Variants in ZNF471 observed in about 807,000 individuals in gnomAD.
The protein encoded by ZNF471 is zinc finger protein 471.
ZNF471 carries 7 observed loss-of-function variants against 13.7 expected under a neutral mutation model. That is an observed-to-expected ratio of 0.51 (90% CI 0.29 to 0.96). ZNF471 has a LOEUF of 0.96. ZNF471 is among the 40% of genes least tolerant of loss of function. ZNF471 has a pLI of 0.08. For missense variants in ZNF471, 663 were observed against 743.3 expected (o/e 0.89, Z 1.26); for synonymous variants, 218 against 235.6 (o/e 0.93, Z 0.68).
chr19:56,510,850 T>A lies in ZNF471; in HGVS notation c.-55-667T>A, dbSNP rs772708385. On this transcript the variant is annotated intron_variant, in intron 1 of 4. Transcript: ENST00000308031. This position sits in a 1 kb window ranked among gnomAD's most constrained non-coding sequence, Gnocchi z 4.3. Reference sequence around the variant, plus strand: ...CAGTAAGAAGCAAAGCTGGGGTGACTGAAGCTCCTAACTGAAGCAGGAGAC... The same window carrying A: ...CAGTAAGAAGCAAAGCTGGGGTGACAGAAGCTCCTAACTGAAGCAGGAGAC... 10 of 985,394 alleles carry A rather than the reference T, an allele frequency of 1.0e-5. No homozygotes were observed. Among genetic ancestry groups the A allele is most frequent in the Non-Finnish European group, 1.2e-5 (10 of 829,948 alleles). The allele number at this position is 985,394 out of a possible 1,614,324, so 61.0% of individuals were successfully genotyped here.
rs1001128459 is a variant in ZNF471, at chr19:56,510,082, G to C, written c.-55-1435G>C. ...AGACCAATGGGTATGTGAGAGACTAGAGTATGTCTCTGTCTGGACTGGTAG... is the reference window on the plus strand; with the variant it reads ...AGACCAATGGGTATGTGAGAGACTACAGTATGTCTCTGTCTGGACTGGTAG... On this transcript the variant is annotated intron_variant, in intron 1 of 4. Coordinates refer to ENST00000308031, the MANE Select transcript of ZNF471 (RefSeq NM_020813.4). This position sits in a 1 kb window ranked among gnomAD's most constrained non-coding sequence, Gnocchi z 4.3. 11 of 985,490 alleles carry C rather than the reference G, an allele frequency of 1.1e-5. No homozygotes were observed. Among genetic ancestry groups the C allele is most frequent in the Middle Eastern group, 5.2e-4 (1 of 1,914 alleles). 61.0% of individuals were successfully genotyped at this position (985,490 alleles called of 1,614,324 possible).
rs373836048 is a variant in ZNF471, at chr19:56,519,848, C to T, written c.256+1271C>T. Among the ~76,000 whole-genome samples, 128 of 152,334 alleles carry T rather than the reference C, an allele frequency of 8.4e-4. 2 individuals are homozygous for T. Among genetic ancestry groups the T allele is most frequent in the African/African-American group, 2.7e-3 (114 of 41,578 alleles). Reference sequence around the variant, plus strand: ...TTGTGCACCATTCTGAGTTGTATGACGAAGTCTTGCACCTTTCTGTTCTGT... The same window carrying T: ...TTGTGCACCATTCTGAGTTGTATGATGAAGTCTTGCACCTTTCTGTTCTGT... On this transcript the variant is annotated intron_variant, in intron 4 of 4. Coordinates refer to ENST00000308031, the MANE Select transcript of ZNF471 (RefSeq NM_020813.4).
At chr19:56,511,193 G>A (rs2043806590) in intron 1 of ZNF471, among the ~76,000 whole-genome samples, 1 of 151,474 alleles carries the variant, frequency 6.6e-6, no homozygotes, top group Admixed American at 6.6e-5. Context: ...GACCCAAGAA[G>A]AGAATGACTC....
chr19:56,508,533 TGTGTGAAAGGCCGGTCG>T lies in ZNF471; in HGVS notation c.-56+616_-56+632del, dbSNP rs1317206162. The stretch of plus-strand genomic sequence containing the variant: ...AGTGTGAGAGATGGGCGTGTGCCTG[TGTGTGAAAGGCCGGTCG>T]GTCGGTGGGTGAGGCTCAATGAGAG... On this transcript the variant is annotated intron_variant, in intron 1 of 4. Coordinates refer to ENST00000308031, the MANE Select transcript of ZNF471 (RefSeq NM_020813.4). The surrounding 1 kb of genome is among the most constrained non-coding windows in gnomAD (Gnocchi z 4.7). Among the ~76,000 whole-genome samples the T allele has an allele frequency of 2.0e-5, 3 of 150,892 alleles. No individual in the cohort carries two copies. The highest frequency in any genetic ancestry group is 2.0e-4 in the Admixed American group (3 of 15,186).
Position 56,525,971 on chromosome 19 carries a change from C to T in ZNF471, c.*23C>T. 2 of 1,524,068 alleles carry T rather than the reference C, an allele frequency of 1.3e-6. No individual in the cohort carries two copies. The highest frequency in any genetic ancestry group is 1.3e-5 in the South Asian group (1 of 74,812). The allele number at this position is 1,524,068 out of a possible 1,614,324, so 94.4% of individuals were successfully genotyped here. On this transcript the variant is annotated 3_prime_UTR_variant, in exon 5 of 5. Coordinates refer to ENST00000308031, the MANE Select transcript of ZNF471 (RefSeq NM_020813.4). ...TAAGAATGTAGTGCATGTGGCCAAG[C>T]CTTTAGTTATCACCAATCCCCTACT...
At position 56,525,357 on chromosome 19, in the gene ZNF471, T is replaced by G; in HGVS notation, c.1290T>G (p.Pro430=). The part of the protein sequence containing the change: ...VHQRIHTGEK[P]YECDICGKDF... ...AGAGAATTCATACAGGAGAGAAACC[T>G]TATGAATGTGATATATGTGGGAAAG... is the stretch of plus-strand genomic sequence containing the variant. Residue 430 remains proline (P), a synonymous_variant, in exon 5 of 5, where the codon CCT becomes CCG. Transcript: ENST00000308031. 6.2e-7 allele frequency: 1 copy of G among 1,614,032 alleles called. No homozygotes were observed. Among genetic ancestry groups the G allele is most frequent in the Non-Finnish European group, 8.5e-7 (1 of 1,179,946 alleles).
At position 56,508,244 on chromosome 19, in the gene ZNF471, TGTGTGTGTGACA is replaced by T. The variant is rs2043759835; in HGVS notation, c.-56+326_-56+337del. ...GGTGTGGTTTCTGTGTGTGTGTGTG[TGTGTGTGTGACA>T]GACCGAGAGTCCAGTGTGAGACCAG... On this transcript the variant is annotated intron_variant, in intron 1 of 4. Transcript: ENST00000308031. This position sits in a 1 kb window ranked among gnomAD's most constrained non-coding sequence, Gnocchi z 4.7. The T allele has an allele frequency of 4.3e-6, 4 of 919,680 alleles. No homozygotes were observed. Among genetic ancestry groups the T allele is most frequent in the East Asian group, 1.2e-4 (1 of 8,458 alleles). The allele number at this position is 919,680 out of a possible 1,614,324, so 57.0% of individuals were successfully genotyped here.
At chr19:56,515,263 T>C (rs1056816294) in intron 2 of ZNF471, among the ~76,000 whole-genome samples, 3 of 152,166 alleles carry the variant, frequency 2.0e-5, no homozygotes, top group Non-Finnish European at 4.4e-5. Context: ...TCCTAAATAT[T>C]GGAAAGAATG....
intron 2 of ZNF471, among the ~76,000 whole-genome samples, chr19:56,514,330 C>G (rs1403080075): frequency 6.6e-6 from 1 of 152,084 alleles, no homozygotes; most frequent in Non-Finnish European, 1.5e-5. Flanking sequence ...CCGGCCTTGG[C>G]CTCCCAAAGT....
rs977891009 is a variant in ZNF471, at chr19:56,524,677, A to C, written c.610A>C (p.Lys204Gln). ...IKHKKVYVGK[K>Q]LFKCNECDKT... ...ACACAAGAAAGTCTATGTAGGAAAGAAGCTTTTTAAATGTAATGAATGTGA... is the reference window on the plus strand; with the variant it reads ...ACACAAGAAAGTCTATGTAGGAAAGCAGCTTTTTAAATGTAATGAATGTGA... The change falls in exon 5 of 5, where the codon AAG becomes CAG. Residue 204 changes from lysine to glutamine, a missense_variant. Transcript: ENST00000308031. The surrounding 1 kb of genome is among the most constrained non-coding windows in gnomAD (Gnocchi z 4.8). The C allele has an allele frequency of 1.9e-5, 30 of 1,578,660 alleles. No individual in the cohort carries two copies. The highest frequency in any genetic ancestry group is 2.2e-5 in the East Asian group (1 of 44,784).
In ZNF471 at chr19:56,525,227, ACATAGGACTTATTCTG is replaced by A; in HGVS notation, c.1168_1183del (p.Leu390GlufsTer84). The A allele has an allele frequency of 6.2e-7, 1 of 1,614,022 alleles. No individual in the cohort carries two copies. Among genetic ancestry groups the A allele is most frequent in the Non-Finnish European group, 8.5e-7 (1 of 1,179,968 alleles). On this transcript the variant is annotated frameshift_variant, in exon 5 of 5. Coordinates refer to ENST00000308031, the MANE Select transcript of ZNF471 (RefSeq NM_020813.4). LOFTEE classifies it low-confidence loss of function (END_TRUNC). Reference sequence around the variant, plus strand: ...GATTGTGGGAAAGCCTTCAGTGTTCACATAGGACTTATTCTGCATAGGAGAATTCATACAGGAGAGA... The same window carrying A: ...GATTGTGGGAAAGCCTTCAGTGTTCACATAGGAGAATTCATACAGGAGAGA...
rs544642066 is a variant in ZNF471 at position 56,512,077 on chromosome 19, C to T, written c.33+473C>T. The stretch of plus-strand genomic sequence containing the variant: ...TTAAGTATGAATTACCAACCTCATT[C>T]GTTCACCTGAAAAATCTTATTCTAC... On this transcript the variant is annotated intron_variant, in intron 2 of 4. Coordinates refer to ENST00000308031, the MANE Select transcript of ZNF471 (RefSeq NM_020813.4). Among the ~76,000 whole-genome samples the T allele has an allele frequency of 7.9e-5, 12 of 151,978 alleles. No individual in the cohort carries two copies. The South Asian group carries it at 1.0e-3, about 13-fold the overall frequency.
Position 56,525,007 on chromosome 19 carries a change from G to T in ZNF471, c.940G>T (p.Gly314Ter). Reference sequence around the variant, plus strand: ...TGCTCAGCATCAGAGAATTCATACTGGAGAGAAACCCTATGAATGTAAAGA... The same window carrying T: ...TGCTCAGCATCAGAGAATTCATACTTGAGAGAAACCCTATGAATGTAAAGA... ...HLAQHQRIHT[G>*]EKPYECKECG... Residue 314 changes from glycine to a stop codon, truncating the protein, a stop_gained, in exon 5 of 5, where the codon GGA (glycine) becomes TGA (stop). Transcript: ENST00000308031. LOFTEE classifies it low-confidence loss of function (END_TRUNC). 1 of 1,614,070 alleles carries T rather than the reference G, an allele frequency of 6.2e-7. No individual in the cohort carries two copies.
At position 56,526,489 on chromosome 19, in the gene ZNF471, G is replaced by A. The variant is rs537686495; in HGVS notation, c.*541G>A. ...CTGTAGGAGTTTTTTTGATAGCCCA[G>A]TGGCACCTGGAATGCCAGTGAAACA... On this transcript the variant is annotated 3_prime_UTR_variant, in exon 5 of 5. Transcript: ENST00000308031. 1 of 152,852 alleles carries A rather than the reference G, an allele frequency of 6.5e-6. No homozygotes were observed. Among genetic ancestry groups the A allele is most frequent in the South Asian group, 2.1e-4 (1 of 4,844 alleles). 9.5% of individuals were successfully genotyped at this position (152,852 alleles called of 1,614,324 possible).
At chr19:56,517,202 C>T (rs998626192) in intron 3 of ZNF471, among the ~76,000 whole-genome samples, 53 of 145,120 alleles carry the variant, frequency 3.7e-4, no homozygotes, top group Non-Finnish European at 6.0e-4. Context: ...AGGGCAGTGG[C>T]GCAATCTTGG....
chr19:56,510,312 A>G lies in ZNF471; in HGVS notation c.-55-1205A>G. 1 of 985,436 alleles carries G rather than the reference A, an allele frequency of 1.0e-6. No individual in the cohort carries two copies. Among genetic ancestry groups the G allele is most frequent in the Non-Finnish European group, 1.2e-6 (1 of 829,940 alleles). 61.0% of individuals were successfully genotyped at this position (985,436 alleles called of 1,614,324 possible). Reference sequence around the variant, plus strand: ...ATGTATGAGAGACCATCATGTTTATATGTGTGAAAGAGGGAGAGAAAGACT... The same window carrying G: ...ATGTATGAGAGACCATCATGTTTATGTGTGTGAAAGAGGGAGAGAAAGACT... On this transcript the variant is annotated intron_variant, in intron 1 of 4. Transcript: ENST00000308031. This position sits in a 1 kb window ranked among gnomAD's most constrained non-coding sequence, Gnocchi z 4.3.
chr19:56,524,750 A>C lies in ZNF471; in HGVS notation c.683A>C (p.His228Pro), dbSNP rs774254513. ...TCCCTTACTGTTCATTTTAGAATTC[A>C]TACTGGTGAAAAACCATATGCATGT... is the stretch of plus-strand genomic sequence containing the variant. ...SSSLTVHFRIHTGEKPYACEE... is the reference protein window; with the variant it reads ...SSSLTVHFRIPTGEKPYACEE... Residue 228 changes from histidine to proline, a missense_variant, in exon 5 of 5, where the codon CAT (histidine) becomes CCT (proline). Coordinates refer to ENST00000308031, the MANE Select transcript of ZNF471 (RefSeq NM_020813.4). The surrounding 1 kb of genome is among the most constrained non-coding windows in gnomAD (Gnocchi z 4.8). 8 of 1,607,852 alleles carry C rather than the reference A, an allele frequency of 5.0e-6. No individual in the cohort carries two copies. The highest frequency in any genetic ancestry group is 6.8e-6 in the Non-Finnish European group (8 of 1,178,096).
Position 56,525,892 on chromosome 19 carries a change from A to C in ZNF471, c.1825A>C (p.Arg609=). The change falls in exon 5 of 5, where the codon AGA becomes CGA. Residue 609 remains arginine, a synonymous_variant. Transcript: ENST00000308031. ...YQCFECGKAF[R]RKLSLICHQR... ...GTGTTTTGAATGTGGGAAGGCGTTC[A>C]GAAGAAAGTTATCCTTAATTTGTCA... The C allele has an allele frequency of 6.3e-7, 1 of 1,587,724 alleles. No homozygotes were observed. The highest frequency in any genetic ancestry group is 8.5e-7 in the Non-Finnish European group (1 of 1,171,332).
At chr19:56,520,208 G>C (rs1013859242) in intron 4 of ZNF471, among the ~76,000 whole-genome samples, 1 of 152,150 alleles carries the variant, frequency 6.6e-6, no homozygotes, top group Admixed American at 6.5e-5. Flanking sequence ...AGTGGAAGAA[G>C]GGAAAAGGGG....
Sources: allele counts gnomAD v4.1 joint callset (sites outside exome capture counted in the v4.1 genomes callset), GRCh38; gene constraint gnomAD v4.1.1; non-coding constraint Gnocchi (gnomAD v3.1); transcripts MANE v1.5; gene names NCBI Gene and HGNC (gene_info 2026-07-23, HGNC 2026-07-21).